Variants in BLOC1S5 observed in about 807,000 individuals in gnomAD.
BLOC1S5 encodes biogenesis of lysosomal organelles complex 1 subunit 5, also known as biogenesis of lysosome-related organelles complex 1 subunit 5.
BLOC1S5 carries 27 observed loss-of-function variants against 24.3 expected under a neutral mutation model. The ratio of observed to expected loss-of-function variants is 1.11; its 90% CI spans 0.82 to 1.53. BLOC1S5 has a LOEUF of 1.53. Among genes scored for constraint, BLOC1S5 ranks in the 40% most tolerant of loss-of-function variants. BLOC1S5 has a pLI of 0.00. For synonymous variants in BLOC1S5, 84 were observed against 74.5 expected (o/e 1.13, Z -0.66); for missense variants, 239 against 229.4 (o/e 1.04, Z -0.27).
rs10452671 is a variant in BLOC1S5 at position 8,028,364 on chromosome 6, T to A, written c.326-1939A>T. Among the ~76,000 whole-genome samples, 940 of 146,110 alleles carry A rather than the reference T, an allele frequency of 6.4e-3. 8 individuals carry two copies. The highest frequency in any genetic ancestry group is 0.02 in the African/African-American group (786 of 39,850). On this transcript the variant is annotated intron_variant, in intron 3 of 4. Transcript: ENST00000397457. ...ATTGATTTTTAAAAAAGAAAATATT[T>A]AAAAAAAAAAAAACAGGAGTTGATT...
intron 3 of BLOC1S5, among the ~76,000 whole-genome samples, chr6:8,030,302 G>A (rs879849871): frequency 2.0e-5 from 3 of 151,814 alleles, no homozygotes; most frequent in Non-Finnish European, 4.4e-5. Flanking sequence ...TGGGACTACA[G>A]GCATGCACCA....
chr6:8,032,156 A>C (rs1453635646), intron 3 of BLOC1S5, among the ~76,000 whole-genome samples: 1 of 152,238 alleles, frequency 6.6e-6, no homozygotes, highest in Non-Finnish European at 1.5e-5. Flanking sequence ...GCACAGCAAA[A>C]GAAATAATCA....
chr6:8,063,720 T>C, intron 1 of BLOC1S5, among the ~76,000 whole-genome samples: 1 of 152,228 alleles, frequency 6.6e-6, no homozygotes, highest in East Asian at 1.9e-4. Context: ...AAGCAGATTC[T>C]GTGAGAATCT....
intron 2 of BLOC1S5, among the ~76,000 whole-genome samples, chr6:8,057,215 G>A (rs753203528): frequency 4.0e-5 from 6 of 151,256 alleles, no homozygotes; most frequent in Non-Finnish European, 8.8e-5. Context: ...GTGAAACTCC[G>A]TCTCAAAAAA....
At position 8,044,144 on chromosome 6, in the gene BLOC1S5, C is replaced by T. The variant is rs529552304; in HGVS notation, c.196-2876G>A. 3.3e-5 allele frequency among the ~76,000 whole-genome samples: 5 copies of T among 151,996 alleles called. No homozygotes were observed. The East Asian group carries it at 7.8e-4, about 24-fold the overall frequency. ...TAAAGATACAAAAAAATTAGCCAGGCGTGGTGGTGCATGCCTGTAATCCTA... is the reference window on the plus strand; with the variant it reads ...TAAAGATACAAAAAAATTAGCCAGGTGTGGTGGTGCATGCCTGTAATCCTA... On this transcript the variant is annotated intron_variant, in intron 2 of 4. Coordinates refer to ENST00000397457, the MANE Select transcript of BLOC1S5 (RefSeq NM_201280.3).
chr6:8,027,000 C>T (rs1307882363), intron 3 of BLOC1S5, among the ~76,000 whole-genome samples: 1 of 152,092 alleles, frequency 6.6e-6, no homozygotes, highest in East Asian at 1.9e-4. Context: ...AGAGAGGTGA[C>T]GCTGTCAATC....
At chr6:8,029,525 T>C (rs1030667929) in intron 3 of BLOC1S5, among the ~76,000 whole-genome samples, 5 of 152,230 alleles carry the variant, frequency 3.3e-5, no homozygotes, top group African/African-American at 1.2e-4. Flanking sequence ...AGACATATCC[T>C]CAAGGACAGC....
At chr6:8,031,817 T>C (rs1490062476) in intron 3 of BLOC1S5, among the ~76,000 whole-genome samples, 2 of 152,026 alleles carry the variant, frequency 1.3e-5, no homozygotes, top group Non-Finnish European at 2.9e-5. Flanking sequence ...GAAAGCCAAA[T>C]ACTTACAGCC....
chr6:8,043,594 A>G (rs1763768178), intron 2 of BLOC1S5, among the ~76,000 whole-genome samples: 1 of 152,212 alleles, frequency 6.6e-6, no homozygotes, highest in Non-Finnish European at 1.5e-5. Context: ...ATTCAATGCA[A>G]TGTGGTACCC....
At chr6:8,024,794 C>T (rs778814286) in intron 4 of BLOC1S5, among the ~76,000 whole-genome samples, 6 of 152,094 alleles carry the variant, frequency 3.9e-5, no homozygotes, top group Non-Finnish European at 8.8e-5. Flanking sequence ...AAAGTCATTT[C>T]AAATAATTTT....
intron 4 of BLOC1S5, among the ~76,000 whole-genome samples, chr6:8,018,433 TA>T (rs1762812993): frequency 1.3e-5 from 2 of 152,236 alleles, no homozygotes; most frequent in Non-Finnish European, 2.9e-5. Flanking sequence ...CATTTCTTTG[TA>T]AATGGAAAGT....
intron 2 of BLOC1S5, among the ~76,000 whole-genome samples, chr6:8,047,160 T>TCTCTCTCTCA (rs1475934039): frequency 7.9e-5 from 10 of 126,942 alleles, no homozygotes; most frequent in African/African-American, 2.8e-4. Context: ...TCTCTCTCTC[T>TCTCTCTCTCA]CACACACACA....
At chr6:8,041,046 C>T in intron 3 of BLOC1S5, 93 bp downstream of exon 3, 7 of 1,403,620 alleles carry the variant, frequency 5.0e-6, no homozygotes, top group Non-Finnish European at 6.7e-6. Flanking sequence ...TTCCCTCTCC[C>T]TCTCCACCTC....
intron 3 of BLOC1S5, among the ~76,000 whole-genome samples, chr6:8,029,332 C>G (rs12662623): frequency 0.013 from 1,991 of 152,248 alleles, 29 homozygotes; most frequent in African/African-American, 0.034. Flanking sequence ...GGACTTCCAT[C>G]TCTGTAACAT....
At chr6:8,023,807 CGT>C (rs1300411816) in intron 4 of BLOC1S5, among the ~76,000 whole-genome samples, 1 of 151,948 alleles carries the variant, frequency 6.6e-6, no homozygotes, top group Non-Finnish European at 1.5e-5. Context: ...TTATGACATA[CGT>C]GTGTGTGCGT....
chr6:8,056,799 C>T (rs546517022), intron 2 of BLOC1S5, among the ~76,000 whole-genome samples: 6 of 152,222 alleles, frequency 3.9e-5, no homozygotes, highest in East Asian at 1.9e-4. Flanking sequence ...TAAAGGAGTC[C>T]GTGACCTACT....
At chr6:8,022,200 T>C (rs1387707648) in intron 4 of BLOC1S5, among the ~76,000 whole-genome samples, 1 of 150,236 alleles carries the variant, frequency 6.7e-6, no homozygotes, top group African/African-American at 2.5e-5. Context: ...CCCAGGAGAT[T>C]GTTGGTTATT....
In BLOC1S5 at chr6:8,062,253, CT is replaced by C. The variant is rs1005816694; in HGVS notation, c.195+280del. 1.2e-3 allele frequency among the ~76,000 whole-genome samples: 186 copies of C among 152,102 alleles called. 1 individual carries two copies. The highest frequency in any genetic ancestry group is 4.2e-3 in the African/African-American group (175 of 41,516). Reference sequence around the variant, plus strand: ...TCAGACCCATCAATCTCTAAAATCCCTTTTTTTCCCCCACTATATCTCATTT... The same window carrying C: ...TCAGACCCATCAATCTCTAAAATCCCTTTTTTCCCCCACTATATCTCATTT... On this transcript the variant is annotated intron_variant, in intron 2 of 4. Transcript: ENST00000397457.
At chr6:8,036,758 A>G (rs2113552141) in intron 3 of BLOC1S5, among the ~76,000 whole-genome samples, 1 of 152,336 alleles carries the variant, frequency 6.6e-6, no homozygotes, top group East Asian at 1.9e-4. Context: ...TAATGAATGT[A>G]AAGGCAAAAA....
Sources: gnomAD v4.1 joint callset for allele counts (sites outside exome capture counted in the v4.1 genomes callset) on GRCh38, gnomAD v4.1.1 for gene constraint, MANE v1.5 for transcripts, NCBI Gene and HGNC (gene_info 2026-07-23, HGNC 2026-07-21) for gene names.